The following UNC5C variants were observed in gnomAD, a reference collection of about 807,000 sequenced individuals.
The protein encoded by UNC5C is unc-5 netrin receptor C, also known as netrin receptor UNC5C.
Under a neutral mutation model 99.8 loss-of-function variants are expected in UNC5C, and 47 were observed. The observed-to-expected ratio is 0.47, with a 90% CI of 0.37 to 0.60. The LOEUF (loss-of-function observed/expected upper bound fraction) is 0.60, where lower values mean the gene tolerates loss of function less well. UNC5C is among the 20% of genes least tolerant of loss of function. UNC5C has a pLI of 0.00. For synonymous variants in UNC5C, 487 were observed against 452.2 expected (o/e 1.08, Z -0.98); for missense variants, 1,062 against 1,165.9 (o/e 0.91, Z 1.30).
chr4:95,387,990 A>G (rs1194827400), intron 1 of UNC5C, among the ~76,000 whole-genome samples: 1 of 152,212 alleles, frequency 6.6e-6, no homozygotes, highest in Non-Finnish European at 1.5e-5. Flanking sequence ...TTTCATATTC[A>G]ATGAGTAAGC....
chr4:95,353,020 A>C, intron 1 of UNC5C, among the ~76,000 whole-genome samples: 1 of 152,104 alleles, frequency 6.6e-6, no homozygotes, highest in East Asian at 1.9e-4. Context: ...ACCAAAGCCA[A>C]ATTTGGTGAT....
In UNC5C at chr4:95,162,794, A is replaced by G. The variant is rs1266991501; in HGVS notation, c.*6440T>C. The G allele has an allele frequency of 6.6e-6, 1 of 152,180 alleles. No individual in the cohort carries two copies. The highest frequency in any genetic ancestry group is 1.5e-5 in the Non-Finnish European group (1 of 68,046). The allele number at this position is 152,180 out of a possible 1,614,324, so 9.4% of individuals were successfully genotyped here. On this transcript the variant is annotated 3_prime_UTR_variant, in exon 16 of 16. Coordinates refer to ENST00000453304, the MANE Select transcript of UNC5C (RefSeq NM_003728.4). ...CAGCAAGAGGGAACTCCACAACAAC[A>G]AAAGTGTTCCATATCGGAAAAGCCA...
intron 1 of UNC5C, among the ~76,000 whole-genome samples, chr4:95,510,858 T>C (rs1027039265): frequency 3.3e-5 from 5 of 152,186 alleles, no homozygotes; most frequent in African/African-American, 1.2e-4. Flanking sequence ...TTTCCTAACT[T>C]GGTTTGTCCC....
chr4:95,369,276 T>TGTG (rs150812187), intron 1 of UNC5C, among the ~76,000 whole-genome samples: 5,268 of 152,128 alleles, frequency 0.035, 139 homozygotes, highest in South Asian at 0.054. Flanking sequence ...TAAGGCCAGG[T>TGTG]GTGGTGGCTC....
chr4:95,193,228 G>T (rs1737229167), intron 12 of UNC5C, among the ~76,000 whole-genome samples: 1 of 152,224 alleles, frequency 6.6e-6, no homozygotes, highest in Non-Finnish European at 1.5e-5. Context: ...ATGAGCAGGT[G>T]GAGGTAGCTA....
rs200667278 is a variant in UNC5C, at chr4:95,278,312, C to T, written c.541G>A (p.Glu181Lys). 17 of 1,613,956 alleles carry T rather than the reference C, an allele frequency of 1.1e-5. No individual in the cohort carries two copies. Among genetic ancestry groups the T allele is most frequent in the Non-Finnish European group, 1.4e-5 (16 of 1,180,024 alleles). Reference protein sequence around the residue: ...QEPLGKEVSLEQEVLLQCRPP... With the variant: ...QEPLGKEVSLKQEVLLQCRPP... ...CGACACTGGAGTAAGACTTCCTGTT[C>T]CAAAGACACTTCCTTTCCTAGGGGT... The change falls in exon 4 of 16, where the codon GAA becomes AAA. Residue 181 changes from glutamate (E) to lysine (K), a missense_variant. Coordinates refer to ENST00000453304, the MANE Select transcript of UNC5C (RefSeq NM_003728.4).
chr4:95,460,264 A>T (rs1578175630), intron 1 of UNC5C, among the ~76,000 whole-genome samples: 1 of 147,722 alleles, frequency 6.8e-6, no homozygotes. Flanking sequence ...CTATCCATGT[A>T]TATGTATGAA....
intron 1 of UNC5C, among the ~76,000 whole-genome samples, chr4:95,525,596 TAAAAAAA>T (rs574532435): frequency 2.0e-5 from 2 of 102,162 alleles, no homozygotes; most frequent in Non-Finnish European, 3.7e-5. Flanking sequence ...GCCTATTTCT[TAAAAAAA>T]AAAAAAAAAA....
At chr4:95,320,734 A>T (rs1030365607) in intron 2 of UNC5C, among the ~76,000 whole-genome samples, 21 of 152,152 alleles carry the variant, frequency 1.4e-4, no homozygotes, top group African/African-American at 5.1e-4. Context: ...CGTGGGCCTG[A>T]GGGTGGACAC....
At chr4:95,531,308 G>T (rs1326697876) in intron 1 of UNC5C, among the ~76,000 whole-genome samples, 1 of 152,128 alleles carries the variant, frequency 6.6e-6, no homozygotes, top group Non-Finnish European at 1.5e-5. Flanking sequence ...GATAATTACA[G>T]GTCTGTCTCC....
intron 1 of UNC5C, among the ~76,000 whole-genome samples, chr4:95,520,474 C>T (rs1036273356): frequency 6.6e-6 from 1 of 151,964 alleles, no homozygotes; most frequent in African/African-American, 2.4e-5. Context: ...TAAATACTTT[C>T]GCCTAAGGAG....
chr4:95,496,052 T>C (rs1449234796), intron 1 of UNC5C, among the ~76,000 whole-genome samples: 1 of 151,762 alleles, frequency 6.6e-6, no homozygotes, highest in Admixed American at 6.6e-5. Context: ...GTTTTGTTAA[T>C]GTCAAAATGT....
At chr4:95,269,372 G>A (rs1298122814) in intron 4 of UNC5C, among the ~76,000 whole-genome samples, 1 of 152,146 alleles carries the variant, frequency 6.6e-6, no homozygotes, top group Non-Finnish European at 1.5e-5. Context: ...CACTGCAGCT[G>A]TGGCTTCGAC....
At chr4:95,461,495 A>ATGTG in intron 1 of UNC5C, among the ~76,000 whole-genome samples, 1 of 97,546 alleles carries the variant, frequency 1.0e-5, no homozygotes, top group Non-Finnish European at 2.0e-5. Flanking sequence ...CAAACAAGAG[A>ATGTG]ATCAAGTATT....
intron 12 of UNC5C, among the ~76,000 whole-genome samples, chr4:95,191,458 T>C (rs1158749379): frequency 6.6e-6 from 1 of 152,034 alleles, no homozygotes; most frequent in Non-Finnish European, 1.5e-5. Context: ...TGCCAAAAAT[T>C]GTGAGGTGCT....
At chr4:95,409,998 C>T (rs1436881112) in intron 1 of UNC5C, among the ~76,000 whole-genome samples, 1 of 152,202 alleles carries the variant, frequency 6.6e-6, no homozygotes, top group African/African-American at 2.4e-5. Context: ...GCTGATGGCT[C>T]TACCCTCTTA....
intron 1 of UNC5C, among the ~76,000 whole-genome samples, chr4:95,438,515 A>G (rs1379765412): frequency 6.6e-6 from 1 of 152,142 alleles, no homozygotes; most frequent in South Asian, 2.1e-4. Context: ...TATGTCTCAA[A>G]ACAGAAAAAT....
intron 1 of UNC5C, among the ~76,000 whole-genome samples, chr4:95,464,332 C>T (rs1747704902): frequency 6.6e-6 from 1 of 152,132 alleles, no homozygotes; most frequent in South Asian, 2.1e-4. Context: ...TTGGTTCCTA[C>T]AGAAATGAAA....
intron 9 of UNC5C, 76 bp downstream of exon 9, chr4:95,218,893 C>CA (rs760335772): frequency 1.5e-4 from 215 of 1,421,766 alleles, no homozygotes; most frequent in Middle Eastern, 1.8e-4. Flanking sequence ...GAAAACATCC[C>CA]ACGAACAAAA....
Sources: allele counts gnomAD v4.1 joint callset (sites outside exome capture counted in the v4.1 genomes callset), GRCh38; gene constraint gnomAD v4.1.1; transcripts MANE v1.5; gene names NCBI Gene and HGNC (gene_info 2026-07-23, HGNC 2026-07-21).